TRHDE: variants seen among roughly 807,000 people sequenced by gnomAD.
TRHDE encodes the protein thyrotropin-releasing hormone-degrading ectoenzyme.
A neutral mutation model predicts 125.7 loss-of-function variants in TRHDE; 72 were observed. That is an observed-to-expected ratio of 0.57 (90% CI 0.47 to 0.70). The LOEUF (loss-of-function observed/expected upper bound fraction) is 0.70, where lower values mean the gene tolerates loss of function less well. Ranked by LOEUF, TRHDE falls within the 30% of genes least tolerant of loss-of-function variation. TRHDE has a pLI of 0.00. For synonymous variants in TRHDE, 509 were observed against 509.1 expected (o/e 1.00, Z 0.00); for missense variants, 1,110 against 1,327.1 (o/e 0.84, Z 2.54).
chr12:72,426,060 C>CTA (rs1874172178), intron 3 of TRHDE, among the ~76,000 whole-genome samples: 1 of 151,966 alleles, frequency 6.6e-6, no homozygotes, highest in South Asian at 2.1e-4. Flanking sequence ...GACTCATTTG[C>CTA]TATAGTGTGC....
At chr12:72,122,189 G>A (rs1243294445) in intron 2 of TRHDE, among the ~76,000 whole-genome samples, 3 of 152,070 alleles carry the variant, frequency 2.0e-5, no homozygotes, top group Non-Finnish European at 2.9e-5. Flanking sequence ...CTGTGCTACT[G>A]GCCCTGCAGA....
chr12:72,643,145 G>C (rs1874138203), intron 15 of TRHDE, among the ~76,000 whole-genome samples: 3 of 152,088 alleles, frequency 2.0e-5, no homozygotes, highest in Non-Finnish European at 4.4e-5. Context: ...GGAGTTGATG[G>C]GGTGAGAAGA....
intron 2 of TRHDE, among the ~76,000 whole-genome samples, chr12:72,179,592 G>A (rs774249205): frequency 3.3e-5 from 5 of 151,932 alleles, no homozygotes; most frequent in African/African-American, 4.8e-5. Context: ...CTTGCTTCAT[G>A]AAGCCATTTC....
intron 2 of TRHDE, among the ~76,000 whole-genome samples, chr12:72,217,509 A>G (rs1877916642): frequency 6.6e-6 from 1 of 152,130 alleles, no homozygotes; most frequent in African/African-American, 2.4e-5. Context: ...TCAATCTCTT[A>G]TTTGGTCATC....
intron 15 of TRHDE, among the ~76,000 whole-genome samples, chr12:72,627,854 T>C (rs1209006385): frequency 6.6e-6 from 1 of 151,726 alleles, no homozygotes; most frequent in East Asian, 1.9e-4. Context: ...CTAATTTTTT[T>C]TTTTTTTTGA....
Position 72,479,725 on chromosome 12 carries a change from A to G in TRHDE, c.1584+6545A>G, listed in dbSNP as rs1488924225. 2.0e-5 allele frequency among the ~76,000 whole-genome samples: 3 copies of G among 150,164 alleles called. No homozygotes were observed. In the South Asian group the frequency reaches 6.4e-4, roughly 32 times the overall value. On this transcript the variant is annotated intron_variant, in intron 5 of 18. Coordinates refer to ENST00000261180, the MANE Select transcript of TRHDE (RefSeq NM_013381.3). ...TGTGCACAATGTGCAGGTTAGTTAC[A>G]TATGTATACATGTGCCATGCTGGTG...
chr12:72,136,841 T>C (rs1875998159), intron 2 of TRHDE, among the ~76,000 whole-genome samples: 1 of 152,194 alleles, frequency 6.6e-6, no homozygotes, highest in Non-Finnish European at 1.5e-5. Flanking sequence ...TCGCACCTAC[T>C]GCAGCGTGTT....
intron 2 of TRHDE, among the ~76,000 whole-genome samples, chr12:72,330,166 C>T (rs1465936027): frequency 1.3e-5 from 2 of 152,034 alleles, no homozygotes; most frequent in Non-Finnish European, 2.9e-5. Flanking sequence ...AAATCGGTAA[C>T]AGGCAGTGCC....
intron 2 of TRHDE, among the ~76,000 whole-genome samples, chr12:72,300,944 G>C (rs1214329606): frequency 6.6e-6 from 1 of 152,078 alleles, no homozygotes; most frequent in Non-Finnish European, 1.5e-5. Flanking sequence ...ATTTCTGGAA[G>C]TTTTTCTCTT....
intron 3 of TRHDE, among the ~76,000 whole-genome samples, chr12:72,459,651 C>T (rs573637071): frequency 6.6e-6 from 1 of 152,180 alleles, no homozygotes; most frequent in Non-Finnish European, 1.5e-5. Flanking sequence ...GAGACAGGGT[C>T]TCACTCTGTT....
intron 2 of TRHDE, among the ~76,000 whole-genome samples, chr12:72,372,963 C>G (rs1386655543): frequency 1.3e-5 from 2 of 152,146 alleles, no homozygotes; most frequent in African/African-American, 2.4e-5. Context: ...GGCATTGAAT[C>G]TATAAATTAC....
In TRHDE at chr12:72,273,589, C is replaced by T. The variant is rs1201022301; in HGVS notation, c.914+32C>T. ...AGGGAGGCGGTGCCCCGCGCTGCCC[C>T]ACCCCGGCGCGCGGCTCGAACCTCT... On this transcript the variant is annotated intron_variant, in intron 1 of 18. Coordinates refer to ENST00000261180, the MANE Select transcript of TRHDE (RefSeq NM_013381.3). This position sits in a 1 kb window ranked among gnomAD's most constrained non-coding sequence, Gnocchi z 5.3. 1.3e-6 allele frequency: 2 copies of T among 1,544,276 alleles called. No individual in the cohort carries two copies. Among genetic ancestry groups the T allele is most frequent in the Non-Finnish European group, 1.7e-6 (2 of 1,145,516 alleles).
rs148114463 is a variant in TRHDE, at chr12:72,316,322, C to T, written c.1188+29368C>T. ...ACCCTTCTCATTTTAAAAATGAGCG[C>T]ATTGCCTGTAAACAGGTATCACTAA... On this transcript the variant is annotated intron_variant, in intron 2 of 18. Coordinates refer to ENST00000261180, the MANE Select transcript of TRHDE (RefSeq NM_013381.3). Among the ~76,000 whole-genome samples the T allele has an allele frequency of 1.6e-4, 24 of 152,234 alleles. No homozygotes were observed. In the East Asian group the frequency reaches 4.6e-3, roughly 29 times the overall value.
intron 12 of TRHDE, among the ~76,000 whole-genome samples, chr12:72,596,611 T>C (rs1379016731): frequency 2.0e-5 from 3 of 152,190 alleles, no homozygotes; most frequent in South Asian, 2.1e-4. Flanking sequence ...CTGGATAGTA[T>C]ACTGAAAATT....
chr12:72,657,078 C>A, intron 18 of TRHDE, 70 bp downstream of exon 18: 2 of 976,508 alleles, frequency 2.0e-6, no homozygotes, highest in South Asian at 1.4e-5. Context: ...TTACTTCAGT[C>A]ATTTCTTTCC....
chr12:72,105,065 A>T (rs1205713057), intron 1 of TRHDE, among the ~76,000 whole-genome samples: 7 of 152,190 alleles, frequency 4.6e-5, no homozygotes, highest in Non-Finnish European at 7.3e-5. Context: ...GGAGGGACTA[A>T]CCAGCTGTGA....
chr12:72,157,317 T>C (rs989044533), intron 2 of TRHDE, among the ~76,000 whole-genome samples: 3 of 152,084 alleles, frequency 2.0e-5, no homozygotes, highest in Admixed American at 1.3e-4. Flanking sequence ...CTAAATATAA[T>C]GGGAAGAGAT....
chr12:72,096,999 CT>C (rs1874939165), intron 1 of TRHDE, among the ~76,000 whole-genome samples: 1 of 152,200 alleles, frequency 6.6e-6, no homozygotes, highest in African/African-American at 2.4e-5. Context: ...ATTCGATTAT[CT>C]GTCTGTCTAT....
intron 3 of TRHDE, among the ~76,000 whole-genome samples, chr12:72,407,297 C>T (rs139366642): frequency 2.6e-5 from 4 of 152,314 alleles, no homozygotes; most frequent in South Asian, 2.1e-4. Context: ...TGAGGTCTGA[C>T]TCCTGTCTGA....
Sources: allele counts gnomAD v4.1 joint callset (sites outside exome capture counted in the v4.1 genomes callset), GRCh38; gene constraint gnomAD v4.1.1; non-coding constraint Gnocchi (gnomAD v3.1); transcripts MANE v1.5; gene names NCBI Gene and HGNC (gene_info 2026-07-23, HGNC 2026-07-21).